ZIM2: variants seen among roughly 807,000 people sequenced by gnomAD.
The protein encoded by ZIM2 is zinc finger protein 656.
In ZIM2, 14 loss-of-function variants were observed where a neutral mutation model predicts 38.6. The ratio of observed to expected loss-of-function variants is 0.36; its 90% CI spans 0.24 to 0.57. The LOEUF (loss-of-function observed/expected upper bound fraction) is 0.57, where lower values mean the gene tolerates loss of function less well. Ranked by LOEUF, ZIM2 falls within the 20% of genes least tolerant of loss-of-function variation. The pLI is 0.81. For synonymous variants in ZIM2, 247 were observed against 245.8 expected, an observed-to-expected ratio of 1.00 and a Z score of -0.04; for missense variants, 680 against 695.1, an observed-to-expected ratio of 0.98 and a Z score of 0.24.
chr19:56,829,799 A>G (rs1198781839), intron 2 of ZIM2, among the ~76,000 whole-genome samples: 2 of 152,220 alleles, frequency 1.3e-5, no homozygotes, highest in Non-Finnish European at 2.9e-5. Context: ...CTGACTGGGG[A>G]AGACCAGATC....
intron 2 of ZIM2, among the ~76,000 whole-genome samples, chr19:56,835,149 T>C (rs1329705892): frequency 6.6e-6 from 1 of 152,086 alleles, no homozygotes; most frequent in Non-Finnish European, 1.5e-5. Flanking sequence ...CAGGCCCAAG[T>C]TGGTCTCCCC....
intron 6 of ZIM2, among the ~76,000 whole-genome samples, chr19:56,821,958 G>A (rs1440290395): frequency 1.3e-5 from 2 of 151,862 alleles, no homozygotes; most frequent in Admixed American, 6.6e-5. Context: ...CAGGGCCAGG[G>A]GCCCTGCCTC....
At chr19:56,823,491 TG>T in intron 5 of ZIM2, 98 bp downstream of exon 5, 1 of 1,377,266 alleles carries the variant, frequency 7.3e-7, no homozygotes, top group Non-Finnish European at 1.0e-6. Flanking sequence ...CACTCGGGGA[TG>T]GCGGGTCATC....
intron 9 of ZIM2, chr19:56,813,425 T>G: frequency 7.7e-7 from 1 of 1,300,258 alleles, no homozygotes; most frequent in South Asian, 2.4e-5. Flanking sequence ...TCAATCTGAT[T>G]ACTTGGAAAG....
At chr19:56,822,719 T>A in intron 6 of ZIM2, 34 bp downstream of exon 6, 1 of 1,611,324 alleles carries the variant, frequency 6.2e-7, no homozygotes, top group Non-Finnish European at 8.5e-7. Flanking sequence ...ATGCTCTATA[T>A]CTCCTACTGG....
At chr19:56,816,163 T>C (rs767964998) in intron 9 of ZIM2, 12 of 1,613,936 alleles carry the variant, frequency 7.4e-6, no homozygotes, top group African/African-American at 2.7e-5. Context: ...GGGAATCTTC[T>C]GGTTTTCATA....
At chr19:56,831,334 A>T (rs1437667269) in intron 2 of ZIM2, among the ~76,000 whole-genome samples, 1 of 152,248 alleles carries the variant, frequency 6.6e-6, no homozygotes. Flanking sequence ...TTATTTAAAT[A>T]TAAACTAGGA....
At chr19:56,789,799 A>G (rs760599978) in intron 10 of ZIM2, 73 bp downstream of exon 10, 1 of 1,315,998 alleles carries the variant, frequency 7.6e-7, no homozygotes, top group Middle Eastern at 1.9e-4. Context: ...GTTTAATTAA[A>G]TAAGGAAGTC....
In ZIM2 at chr19:56,816,906, C is replaced by G; in HGVS notation, c.490+840G>C. On this transcript the variant is annotated intron_variant, in intron 9 of 12. Coordinates refer to ENST00000629319, the MANE Select transcript of ZIM2 (RefSeq NM_001387356.1). Reference sequence around the variant, plus strand: ...CCAAGGCGGCACTCTTATTGAAGGTCTCTCCACAGTCCTTACATTCAAAAC... The same window carrying G: ...CCAAGGCGGCACTCTTATTGAAGGTGTCTCCACAGTCCTTACATTCAAAAC... 5 of 1,614,216 alleles carry G rather than the reference C, an allele frequency of 3.1e-6. No individual in the cohort carries two copies. Among genetic ancestry groups the G allele is most frequent in the Non-Finnish European group, 4.2e-6 (5 of 1,180,026 alleles).
intron 9 of ZIM2, chr19:56,815,812 G>A (rs749329170): frequency 6.2e-7 from 1 of 1,613,204 alleles, no homozygotes; most frequent in Non-Finnish European, 8.5e-7. Context: ...GTTCTCTCTG[G>A]CAGGAATCTT....
chr19:56,835,895 G>A, intron 2 of ZIM2, 123 bp downstream of exon 2: 2 of 398,076 alleles, frequency 5.0e-6, no homozygotes, highest in Non-Finnish European at 1.0e-5. Context: ...TGTTCTCAGA[G>A]GGCACAAATG....
At chr19:56,811,926 T>C in intron 9 of ZIM2, 1 of 985,308 alleles carries the variant, frequency 1.0e-6, no homozygotes, top group Non-Finnish European at 1.2e-6. Context: ...CTCCCTTCTT[T>C]GACTCACTCA....
In ZIM2 at chr19:56,836,062, C is replaced by A; in HGVS notation, c.-271G>T. 1 of 506,566 alleles carries A rather than the reference C, an allele frequency of 2.0e-6. No individual in the cohort carries two copies. Among genetic ancestry groups the A allele is most frequent in the South Asian group, 1.5e-5 (1 of 68,736 alleles). 31.4% of individuals were successfully genotyped at this position (506,566 alleles called of 1,614,324 possible). ...GTTTGGACCTAGTCCCTCTTCCTCT[C>A]GCCAGTCGTCTCCAAGAAGGACGGA... On this transcript the variant is annotated 5_prime_UTR_variant, in exon 2 of 13. Coordinates refer to ENST00000629319, the MANE Select transcript of ZIM2 (RefSeq NM_001387356.1).
At chr19:56,788,637 C>T (rs1327960536) in intron 10 of ZIM2, among the ~76,000 whole-genome samples, 1 of 152,056 alleles carries the variant, frequency 6.6e-6, no homozygotes, top group African/African-American at 2.4e-5. Context: ...TGGAGTTGCT[C>T]TTCTCAAGGA....
chr19:56,795,942 A>C (rs2047200030), intron 9 of ZIM2, among the ~76,000 whole-genome samples: 1 of 152,222 alleles, frequency 6.6e-6, no homozygotes, highest in African/African-American at 2.4e-5. Context: ...TGGTAAAAAT[A>C]AAAAATAACA....
At chr19:56,777,220 GAA>G (rs1191749050) in intron 12 of ZIM2, among the ~76,000 whole-genome samples, 2 of 152,198 alleles carry the variant, frequency 1.3e-5, no homozygotes, top group Non-Finnish European at 2.9e-5. Context: ...AAGTCATCAG[GAA>G]AAGAGGGATA....
chr19:56,808,443 A>AAAAGTC (rs1261194802), intron 9 of ZIM2, among the ~76,000 whole-genome samples: 1 of 152,150 alleles, frequency 6.6e-6, no homozygotes, highest in Non-Finnish European at 1.5e-5. Flanking sequence ...GGTGGGCAGG[A>AAAAGTC]AAAGTCAAGT....
chr19:56,785,530 T>C (rs1352574190), intron 10 of ZIM2, among the ~76,000 whole-genome samples: 2 of 152,194 alleles, frequency 1.3e-5, no homozygotes, highest in East Asian at 1.9e-4. Flanking sequence ...CTGGAGAACA[T>C]TTTTGAAACA....
In ZIM2 at chr19:56,814,076, C is replaced by T; in HGVS notation, c.490+3670G>A. The T allele has an allele frequency of 6.2e-7, 1 of 1,614,188 alleles. No homozygotes were observed. On this transcript the variant is annotated intron_variant, in intron 9 of 12. Coordinates refer to ENST00000629319, the MANE Select transcript of ZIM2 (RefSeq NM_001387356.1). This position sits in a 1 kb window ranked among gnomAD's most constrained non-coding sequence, Gnocchi z 5.8. Reference sequence around the variant, plus strand: ...CTTTCTTCTGGGTCTTCAATACCTGCACCATCTGGCTCATCAGCATCCCCA... The same window carrying T: ...CTTTCTTCTGGGTCTTCAATACCTGTACCATCTGGCTCATCAGCATCCCCA...
Sources: gnomAD v4.1 joint callset for allele counts (sites outside exome capture counted in the v4.1 genomes callset) on GRCh38, gnomAD v4.1.1 for gene constraint, Gnocchi (gnomAD v3.1) non-coding constraint, MANE v1.5 for transcripts, NCBI Gene and HGNC (gene_info 2026-07-23, HGNC 2026-07-21) for gene names.